ROBO1: variants seen among roughly 807,000 people sequenced by gnomAD.
ROBO1 encodes roundabout guidance receptor 1.
ROBO1 carries 149 observed loss-of-function variants against 195.9 expected under a neutral mutation model. The observed-to-expected ratio is 0.76, with a 90% CI of 0.67 to 0.87. The LOEUF is 0.87. Ranked by LOEUF, ROBO1 falls within the 40% of genes least tolerant of loss-of-function variation. The pLI, the probability that ROBO1 is intolerant of heterozygous loss-of-function variation, is 0.00. For missense variants in ROBO1, 1,933 were observed against 2,068.3 expected, an observed-to-expected ratio of 0.93 and a Z score of 1.27; for synonymous variants, 816 against 733.2, an observed-to-expected ratio of 1.11 and a Z score of -1.82.
At chr3:78,966,578 C>G (rs1397509852) in intron 3 of ROBO1, among the ~76,000 whole-genome samples, 1 of 152,158 alleles carries the variant, frequency 6.6e-6, no homozygotes, top group African/African-American at 2.4e-5. Context: ...CTTTCGCTTA[C>G]AATCCAAAGT....
At chr3:78,925,486 T>C (rs562335608) in intron 4 of ROBO1, among the ~76,000 whole-genome samples, 33 of 152,298 alleles carry the variant, frequency 2.2e-4, no homozygotes, top group South Asian at 1.5e-3. Context: ...TATAAAAATA[T>C]GGATAATTTG....
chr3:78,963,294 T>C (rs920805384), intron 3 of ROBO1, among the ~76,000 whole-genome samples: 13 of 151,784 alleles, frequency 8.6e-5, no homozygotes, highest in African/African-American at 2.7e-4. Context: ...ACAGTACATT[T>C]CCAAAGAGAA....
chr3:79,470,794 T>A (rs994853428), intron 2 of ROBO1, among the ~76,000 whole-genome samples: 3 of 152,138 alleles, frequency 2.0e-5, no homozygotes, highest in African/African-American at 7.2e-5. Flanking sequence ...CCTTCCACCA[T>A]GAAGCCCCCG....
chr3:78,805,035 C>G (rs1242019913), intron 4 of ROBO1, among the ~76,000 whole-genome samples: 4 of 152,132 alleles, frequency 2.6e-5, no homozygotes, highest in Non-Finnish European at 4.4e-5. Flanking sequence ...ATTAAATGCC[C>G]CTTTCCAAGT....
intron 1 of ROBO1, among the ~76,000 whole-genome samples, chr3:79,631,745 C>T (rs1324016547): frequency 1.3e-5 from 2 of 151,662 alleles, no homozygotes; most frequent in East Asian, 3.9e-4. Context: ...ATCTGATAAT[C>T]CAGAATCTAC....
intron 3 of ROBO1, among the ~76,000 whole-genome samples, chr3:79,054,127 G>A (rs533216928): frequency 5.5e-4 from 83 of 152,086 alleles, no homozygotes; most frequent in Non-Finnish European, 9.9e-4. Context: ...CAGCTAAATC[G>A]GACTAATGGC....
At chr3:78,984,297 G>A (rs568183078) in intron 3 of ROBO1, among the ~76,000 whole-genome samples, 5 of 152,064 alleles carry the variant, frequency 3.3e-5, no homozygotes, top group Admixed American at 2.6e-4. Flanking sequence ...GAGGCAGTCC[G>A]ACTCCTGAGC....
At chr3:79,018,488 T>C (rs752951445) in intron 3 of ROBO1, 26 of 1,613,572 alleles carry the variant, frequency 1.6e-5, no homozygotes, top group Admixed American at 6.7e-5. Flanking sequence ...CTGTATACAG[T>C]CTCATGCCAA....
Position 79,039,821 on chromosome 3 carries a change from G to A in ROBO1, c.172+85635C>T, listed in dbSNP as rs1490112010. On this transcript the variant is annotated intron_variant, in intron 3 of 30. Coordinates refer to ENST00000464233, the MANE Select transcript of ROBO1 (RefSeq NM_002941.4). ...CGTCTCAAAAAAAAAAAAAAAAAAAGTTATGTCTATTAAGGACAATGTGAT... is the reference window on the plus strand; with the variant it reads ...CGTCTCAAAAAAAAAAAAAAAAAAAATTATGTCTATTAAGGACAATGTGAT... Among the ~76,000 whole-genome samples the A allele has an allele frequency of 9.6e-3, 229 of 23,854 alleles. 2 individuals are homozygous for A. The highest frequency in any genetic ancestry group is 0.011 in the Non-Finnish European group (116 of 10,602). 15.6% of individuals were successfully genotyped at this position (23,854 alleles called of 152,430 possible). A position where few individuals can be genotyped will look rare whatever the true frequency, so the allele number is the denominator to read the frequency against.
intron 1 of ROBO1, among the ~76,000 whole-genome samples, chr3:79,622,606 A>G (rs1284810003): frequency 1.3e-5 from 2 of 152,174 alleles, no homozygotes; most frequent in African/African-American, 2.4e-5. Flanking sequence ...ACCCTGACCC[A>G]TCCTTCCTCA....
chr3:78,791,480 A>G (rs2084018428), intron 4 of ROBO1, among the ~76,000 whole-genome samples: 1 of 152,246 alleles, frequency 6.6e-6, no homozygotes, highest in Non-Finnish European at 1.5e-5. Flanking sequence ...CAATATGCAG[A>G]GAATGGATAT....
At chr3:79,481,093 A>G in intron 2 of ROBO1, among the ~76,000 whole-genome samples, 1 of 152,098 alleles carries the variant, frequency 6.6e-6, no homozygotes, top group East Asian at 1.9e-4. Flanking sequence ...ATTCTGCATA[A>G]TTTATAATGT....
intron 1 of ROBO1, among the ~76,000 whole-genome samples, chr3:79,598,893 A>G (rs1944258476): frequency 6.6e-6 from 1 of 152,056 alleles, no homozygotes; most frequent in Admixed American, 6.6e-5. Context: ...GCAACATCCT[A>G]GCTAACCAGA....
chr3:78,711,771 G>A (rs1278100364), intron 8 of ROBO1, among the ~76,000 whole-genome samples: 2 of 150,788 alleles, frequency 1.3e-5, no homozygotes, highest in African/African-American at 4.9e-5. Flanking sequence ...TTACAGGCAT[G>A]AGCCACCACG....
intron 1 of ROBO1, among the ~76,000 whole-genome samples, chr3:79,597,956 CGGCCGTTTTGTTTGGACAGATCATG>C (rs1244630477): frequency 6.6e-6 from 1 of 151,954 alleles, no homozygotes; most frequent in Non-Finnish European, 1.5e-5. Context: ...TTATGAATCA[CGGCCGTTTTGTTTGGACAGATCATG>C]GGCCTTATTT....
At chr3:79,078,415 T>G (rs550869251) in intron 3 of ROBO1, among the ~76,000 whole-genome samples, 10 of 151,882 alleles carry the variant, frequency 6.6e-5, no homozygotes, top group East Asian at 3.9e-4. Flanking sequence ...GGTATTTTTT[T>G]GGGGGTCAAT....
chr3:79,026,637 A>T (rs1576586328), intron 3 of ROBO1, among the ~76,000 whole-genome samples: 1 of 152,204 alleles, frequency 6.6e-6, no homozygotes, highest in East Asian at 1.9e-4. Context: ...GGAAACATAA[A>T]GATATATATG....
At chr3:78,900,976 C>G (rs899993318) in intron 4 of ROBO1, among the ~76,000 whole-genome samples, 2 of 151,690 alleles carry the variant, frequency 1.3e-5, no homozygotes, top group Non-Finnish European at 2.9e-5. Flanking sequence ...TTCTCATTAC[C>G]CATCCACCAA....
chr3:79,230,668 A>G (rs1488724925), intron 2 of ROBO1, among the ~76,000 whole-genome samples: 2 of 152,178 alleles, frequency 1.3e-5, no homozygotes, highest in African/African-American at 4.8e-5. Context: ...CAATGTTGTT[A>G]AAATACTACT....
Sources: gnomAD v4.1 joint callset for allele counts (sites outside exome capture counted in the v4.1 genomes callset) on GRCh38, gnomAD v4.1.1 for gene constraint, MANE v1.5 for transcripts, NCBI Gene and HGNC (gene_info 2026-07-23, HGNC 2026-07-21) for gene names.